KDM6A: variants seen among roughly 807,000 people sequenced by gnomAD.
The protein encoded by KDM6A is lysine-specific demethylase 6A.
Under a neutral mutation model 117.6 loss-of-function variants are expected in KDM6A, and 11 were observed. That is an observed-to-expected ratio of 0.09 (90% CI 0.06 to 0.15). The LOEUF (loss-of-function observed/expected upper bound fraction) is 0.15. KDM6A is among the 10% of genes least tolerant of loss of function. The pLI is 1.00. For missense variants in KDM6A, 799 were observed against 1,077.3 expected (o/e 0.74, Z 3.62); for synonymous variants, 384 against 396.1 (o/e 0.97, Z 0.36).
At chrX:45,047,664 C>CTTTTTTT (rs755668460) in intron 8 of KDM6A, among the ~76,000 whole-genome samples, 6 of 27,212 alleles carry the variant, frequency 2.2e-4, no homozygotes, top group Non-Finnish European at 4.9e-4. Context: ...TATCTGCTTG[C>CTTTTTTT]TTTTTTTTTC....
intron 18 of KDM6A, among the ~76,000 whole-genome samples, chrX:45,076,393 A>C (rs113385414): frequency 3.6e-5 from 4 of 111,565 alleles, no homozygotes; most frequent in African/African-American, 1.3e-4. Context: ...AGGAAATTGT[A>C]AGCTCATGTT....
At chrX:45,058,087 C>CT (rs1448650686) in intron 10 of KDM6A, among the ~76,000 whole-genome samples, 796 of 50,086 alleles carry the variant, frequency 0.016, 55 homozygotes, top group African/African-American at 0.056. Flanking sequence ...CCCCCCCCCC[C>CT]TTTTTTTTTT....
chrX:44,917,700 G>GA (rs1361254724), intron 2 of KDM6A, among the ~76,000 whole-genome samples: 1 of 111,709 alleles, frequency 9.0e-6, no homozygotes, highest in Non-Finnish European at 1.9e-5. Flanking sequence ...TACATATGAG[G>GA]AAACAAAGGT....
chrX:45,041,368 A>C (rs1377936304), intron 8 of KDM6A, among the ~76,000 whole-genome samples: 2 of 83,489 alleles, frequency 2.4e-5, no homozygotes, highest in Admixed American at 1.2e-4. Context: ...ACTTCCCAGT[A>C]GGGGCGGCCG....
At chrX:44,915,022 C>T (rs907492790) in intron 2 of KDM6A, among the ~76,000 whole-genome samples, 2 of 111,325 alleles carry the variant, frequency 1.8e-5, no homozygotes, top group African/African-American at 6.5e-5. Flanking sequence ...GCTGGCTAGG[C>T]TTTTCTAGAA....
At chrX:45,048,536 T>A (rs560823713) in intron 8 of KDM6A, among the ~76,000 whole-genome samples, 9 of 110,935 alleles carry the variant, frequency 8.1e-5, no homozygotes, top group African/African-American at 2.6e-4. Flanking sequence ...GTCTCCTGAC[T>A]GGGATTTCTC....
chrX:44,938,277 G>T lies in KDM6A; in HGVS notation c.226-23007G>T, dbSNP rs2037094643. Among the ~76,000 whole-genome samples the T allele has an allele frequency of 3.6e-5, 4 of 111,583 alleles. No individual in the cohort carries two copies. The Admixed American group carries it at 3.8e-4, about 11-fold the overall frequency. Reference sequence around the variant, plus strand: ...ACCTGACCGAAAACATTCTTGAAGGGAATTAAAAGTGCTACTCCAGTGAAC... The same window carrying T: ...ACCTGACCGAAAACATTCTTGAAGGTAATTAAAAGTGCTACTCCAGTGAAC... On this transcript the variant is annotated intron_variant, in intron 2 of 29. Transcript: ENST00000611820.
intron 3 of KDM6A, among the ~76,000 whole-genome samples, chrX:44,970,894 A>G (rs2039307020): frequency 9.0e-6 from 1 of 111,212 alleles, no homozygotes; most frequent in Admixed American, 9.6e-5. Flanking sequence ...GCAGTTGGTA[A>G]TATATGCTTC....
intron 8 of KDM6A, among the ~76,000 whole-genome samples, chrX:45,042,731 A>G (rs1281375693): frequency 9.3e-6 from 1 of 107,379 alleles, no homozygotes; most frequent in Non-Finnish European, 1.9e-5. Flanking sequence ...CCACTTCTCT[A>G]CATAGGAAGA....
chrX:45,047,664 CTTTT>C (rs755668460), intron 8 of KDM6A, among the ~76,000 whole-genome samples: 1 of 27,196 alleles, frequency 3.7e-5, no homozygotes, highest in Admixed American at 5.3e-4. Flanking sequence ...TATCTGCTTG[CTTTT>C]TTTTTCTTTT....
chrX:45,004,738 T>C (rs774594799), intron 4 of KDM6A, among the ~76,000 whole-genome samples: 8 of 111,583 alleles, frequency 7.2e-5, no homozygotes, highest in African/African-American at 2.3e-4. Flanking sequence ...TTTGTTATTG[T>C]CCCACCAGGG....
chrX:45,039,503 A>C (rs957419233), intron 8 of KDM6A, among the ~76,000 whole-genome samples: 1 of 61,256 alleles, frequency 1.6e-5, no homozygotes, highest in African/African-American at 5.3e-5. Context: ...TCATTTGATA[A>C]TTTTTTTTTT....
At chrX:44,993,737 G>A (rs1018391696) in intron 4 of KDM6A, among the ~76,000 whole-genome samples, 1 of 111,337 alleles carries the variant, frequency 9.0e-6, no homozygotes, top group Non-Finnish European at 1.9e-5. Flanking sequence ...ATGGTGGCGC[G>A]TGCCTGTAGT....
At chrX:45,107,269 G>C (rs954614754) in intron 27 of KDM6A, 141 bp from the exon 28 acceptor site, 1 of 570,660 alleles carries the variant, frequency 1.8e-6, no homozygotes, top group African/African-American at 2.3e-5. Flanking sequence ...GAGAATATTT[G>C]ATAAATTGAT....
At chrX:45,080,883 G>A (rs1313442067) in intron 21 of KDM6A, among the ~76,000 whole-genome samples, 4 of 112,182 alleles carry the variant, frequency 3.6e-5, no homozygotes, top group Admixed American at 1.9e-4. Context: ...GATAGTAAGA[G>A]GCAGTCTATT....
At chrX:45,095,359 C>A (rs187377909) in intron 27 of KDM6A, among the ~76,000 whole-genome samples, 120 of 110,969 alleles carry the variant, frequency 1.1e-3, no homozygotes, top group Middle Eastern at 9.3e-3. Context: ...AAGAAGCTGA[C>A]TAGGGAGTCT....
At chrX:45,094,070 C>G (rs1471457039) in intron 27 of KDM6A, among the ~76,000 whole-genome samples, 2 of 111,437 alleles carry the variant, frequency 1.8e-5, no homozygotes, top group Non-Finnish European at 3.8e-5. Flanking sequence ...CTAGGCCTTG[C>G]TTTATAAGCC....
At chrX:44,929,004 C>T (rs921440442) in intron 2 of KDM6A, among the ~76,000 whole-genome samples, 1 of 111,040 alleles carries the variant, frequency 9.0e-6, no homozygotes, top group Non-Finnish European at 1.9e-5. Context: ...GAACTTGGCT[C>T]ACTACAACGT....
At chrX:45,044,934 A>G (rs906797869) in intron 8 of KDM6A, among the ~76,000 whole-genome samples, 1 of 112,016 alleles carries the variant, frequency 8.9e-6, no homozygotes, top group African/African-American at 3.2e-5. Context: ...AAAATAATAT[A>G]GATAAGTGCT....
Sources: gnomAD v4.1 joint callset for allele counts (sites outside exome capture counted in the v4.1 genomes callset) on GRCh38, gnomAD v4.1.1 for gene constraint, MANE v1.5 for transcripts, NCBI Gene and HGNC (gene_info 2026-07-23, HGNC 2026-07-21) for gene names.